Variants in TBR1 observed in about 807,000 individuals in gnomAD.
TBR1 encodes the protein T-box brain transcription factor 1.
TBR1 carries 7 observed loss-of-function variants against 60.3 expected under a neutral mutation model. The observed-to-expected ratio is 0.12, with a 90% CI of 0.07 to 0.22. The LOEUF is 0.22. Among genes scored for constraint, TBR1 ranks in the 10% least tolerant of loss-of-function variants. The pLI is 1.00. For missense variants in TBR1, 616 were observed against 936.8 expected (o/e 0.66, Z 4.47); for synonymous variants, 417 against 409.9 (o/e 1.02, Z -0.21).
chr2:161,423,357 C>T lies in TBR1; in HGVS notation c.1191-12C>T. On this transcript the variant is annotated splice_polypyrimidine_tract_variant and intron_variant, in intron 5 of 5. Coordinates refer to ENST00000389554, the MANE Select transcript of TBR1 (RefSeq NM_006593.4). ...CCCCTCGGCTCTCTCTCTCTCTCTCCCTACCCCGCAGGATCTACACCGGCT... is the reference window on the plus strand; with the variant it reads ...CCCCTCGGCTCTCTCTCTCTCTCTCTCTACCCCGCAGGATCTACACCGGCT... 1 of 1,445,792 alleles carries T rather than the reference C, an allele frequency of 6.9e-7. No homozygotes were observed. The highest frequency in any genetic ancestry group is 9.2e-7 in the Non-Finnish European group (1 of 1,088,850). The allele number at this position is 1,445,792 out of a possible 1,614,324, so 89.6% of individuals were successfully genotyped here.
intron 5 of TBR1, 28 bp from the exon 6 acceptor site, chr2:161,423,341 T>C: frequency 7.8e-6 from 3 of 386,636 alleles, no homozygotes; most frequent in Non-Finnish European, 7.0e-6. Context: ...ACCCCTCGGC[T>C]CTCTCTCTCT....
chr2:161,421,979 T>C, intron 5 of TBR1: 1 of 145,410 alleles, frequency 6.9e-6, no homozygotes, highest in Non-Finnish European at 1.5e-5. Context: ...CCTGAGATTT[T>C]TAGGGGACAG....
At position 161,418,339 on chromosome 2, in the gene TBR1, C is replaced by T; in HGVS notation, c.969+17C>T. ...AATGGGCAGGTCAGTGGCTCAAGCGCTCGTGTTTTCTCTCTCTCTCACCCC... is the reference window on the plus strand; with the variant it reads ...AATGGGCAGGTCAGTGGCTCAAGCGTTCGTGTTTTCTCTCTCTCTCACCCC... On this transcript the variant is annotated intron_variant, in intron 3 of 5. Coordinates refer to ENST00000389554, the MANE Select transcript of TBR1 (RefSeq NM_006593.4). 3 of 1,609,156 alleles carry T rather than the reference C, an allele frequency of 1.9e-6. No individual in the cohort carries two copies. Among genetic ancestry groups the T allele is most frequent in the Non-Finnish European group, 2.5e-6 (3 of 1,177,568 alleles).
Position 161,423,380 on chromosome 2 carries a change from G to T in TBR1, c.1202G>T (p.Gly401Val), listed in dbSNP as rs747662916. The change falls in exon 6 of 6, where the codon GGC (glycine) becomes GTC (valine). Residue 401 changes from glycine to valine, a missense_variant. Gly to Val is a moderately radical substitution (Grantham distance 109, BLOSUM62 -3). Coordinates refer to ENST00000389554, the MANE Select transcript of TBR1 (RefSeq NM_006593.4). ...FRDNYDTIYT[G>V]CDMDRLTPSP... is the part of the protein sequence containing the mutation. ...TCCCTACCCCGCAGGATCTACACCG[G>T]CTGTGACATGGACCGCCTGACCCCC... 1 of 1,539,700 alleles carries T rather than the reference G, an allele frequency of 6.5e-7. No individual in the cohort carries two copies. The highest frequency in any genetic ancestry group is 8.8e-7 in the Non-Finnish European group (1 of 1,141,400).
At chr2:161,418,172 A>G (rs1684164805) in intron 2 of TBR1, 29 bp from the exon 3 acceptor site, 2 of 1,602,322 alleles carry the variant, frequency 1.2e-6, no homozygotes, top group South Asian at 1.1e-5. Flanking sequence ...TGCCAGGGGC[A>G]TATGTAAACA....
chr2:161,424,172 A>AGAAGAACTGCGC lies in TBR1; in HGVS notation c.1995_2006dup (p.Asn667_Lys670dup). Reference sequence around the variant, plus strand: ...GAGGTGCTGGCCCAGCGGGACTGCGAGAAGAACTGCGCCAAGGACATTAGC... The same window carrying AGAAGAACTGCGC: ...GAGGTGCTGGCCCAGCGGGACTGCGAGAAGAACTGCGCGAAGAACTGCGCCAAGGACATTAGC... On this transcript the variant is annotated inframe_insertion, in exon 6 of 6. Transcript: ENST00000389554. This position sits in a 1 kb window ranked among gnomAD's most constrained non-coding sequence, Gnocchi z 4.4. 1 of 1,612,922 alleles carries AGAAGAACTGCGC rather than the reference A, an allele frequency of 6.2e-7. No homozygotes were observed. Among genetic ancestry groups the AGAAGAACTGCGC allele is most frequent in the Non-Finnish European group, 8.5e-7 (1 of 1,179,606 alleles).
In TBR1 at chr2:161,417,955, AG is replaced by A; in HGVS notation, c.847+130del. On this transcript the variant is annotated intron_variant, in intron 2 of 5. Transcript: ENST00000389554. The surrounding 1 kb of genome is among the most constrained non-coding windows in gnomAD (Gnocchi z 5.3). ...GGCCAATGACTTCTAAAAGGAAACG[AG>A]GGGGACAGGGGGACAGACTGAGCTG... is the stretch of plus-strand genomic sequence containing the variant. 1 of 1,462,964 alleles carries A rather than the reference AG, an allele frequency of 6.8e-7. No homozygotes were observed. The highest frequency in any genetic ancestry group is 1.4e-5 in the African/African-American group (1 of 70,126). 90.6% of individuals were successfully genotyped at this position (1,462,964 alleles called of 1,614,324 possible).
chr2:161,417,687 CT>C lies in TBR1; in HGVS notation c.710del (p.Leu237Ter), dbSNP rs1559060391. The C allele has an allele frequency of 6.2e-7, 1 of 1,611,872 alleles. No individual in the cohort carries two copies. The highest frequency in any genetic ancestry group is 8.5e-7 in the Non-Finnish European group (1 of 1,179,030). ...CTTAATTTAAATAGGCGCATGTTTC[CT>C]TTTTTAAGTTTTAACATTTCTGGTC... ...IITKQGRRMFPFLSFNISGLD... is the reference protein window; with the variant it reads ...IITKQGRRMFXFLSFNISGLD... On this transcript the variant is annotated frameshift_variant, in exon 2 of 6. Coordinates refer to ENST00000389554, the MANE Select transcript of TBR1 (RefSeq NM_006593.4). LOFTEE classifies it high-confidence loss of function. This position sits in a 1 kb window ranked among gnomAD's most constrained non-coding sequence, Gnocchi z 5.3.
chr2:161,424,214 A>T lies in TBR1; in HGVS notation c.2036A>T (p.Tyr679Phe). The T allele has an allele frequency of 6.3e-7, 1 of 1,587,802 alleles. No homozygotes were observed. Among genetic ancestry groups the T allele is most frequent in the Non-Finnish European group, 8.6e-7 (1 of 1,166,048 alleles). ...AKDISGYYGF[Y>F]SHS ...GACATTAGCGGCTACTATGGCTTCT[A>T]CTCGCACAGCTAGGCCGCCCCTGCC... Residue 679 changes from tyrosine (Y) to phenylalanine (F), a missense_variant, in exon 6 of 6, where the codon TAC (tyrosine) becomes TTC (phenylalanine). Tyr to Phe is a conservative substitution (Grantham distance 22, BLOSUM62 3). This residue lies in a region of TBR1 where 210 missense variants were observed against 297.4 expected (regional missense o/e 0.71). Transcript: ENST00000389554. The surrounding 1 kb of genome is among the most constrained non-coding windows in gnomAD (Gnocchi z 4.4).
At position 161,425,323 on chromosome 2, in the gene TBR1, TTAA is replaced by T. The variant is rs1394621170; in HGVS notation, c.*1098_*1100del. On this transcript the variant is annotated 3_prime_UTR_variant, in exon 6 of 6. Transcript: ENST00000389554. ...GTAAATCTTTGTAATGAATACTCTA[TTAA>T]TGATATAGATGACTGAATTGTTGGT... 2 of 152,258 alleles carry T rather than the reference TTAA, an allele frequency of 1.3e-5. No homozygotes were observed. Among genetic ancestry groups the T allele is most frequent in the Non-Finnish European group, 2.9e-5 (2 of 68,046 alleles). The allele number at this position is 152,258 out of a possible 1,614,324, so 9.4% of individuals were successfully genotyped here. A position where few individuals can be genotyped will look rare whatever the true frequency, so the allele number is the denominator to read the frequency against.
chr2:161,420,421 T>C, intron 5 of TBR1, 164 bp downstream of exon 5: 1 of 170,522 alleles, frequency 5.9e-6, no homozygotes, highest in Non-Finnish European at 1.1e-5. Context: ...TCCTCTTCTT[T>C]TTTTTTTTTT....
At chr2:161,418,146 A>G in intron 2 of TBR1, 55 bp from the exon 3 acceptor site, 1 of 1,555,832 alleles carries the variant, frequency 6.4e-7, no homozygotes, top group Admixed American at 1.8e-5. Context: ...CGTGGTGAGG[A>G]GCTGGGACTG....
intron 5 of TBR1, chr2:161,422,708 T>G (rs1684252543): frequency 6.6e-6 from 1 of 152,152 alleles, no homozygotes; most frequent in Non-Finnish European, 1.5e-5. Flanking sequence ...GAGTGAAAGT[T>G]TCACACAGGG....
In TBR1 at chr2:161,418,988, G is replaced by A. The variant is rs147026901; in HGVS notation, c.1066G>A (p.Val356Met). The change falls in exon 4 of 6, where the codon GTG becomes ATG. Residue 356 changes from valine (V) to methionine (M), a missense_variant. By Grantham distance (21) the Val-to-Met change is conservative (BLOSUM62 1). Transcript: ENST00000389554. ...GTEDTSQPGR[V>M]QTFTFPETQF... Reference sequence around the variant, plus strand: ...GGAGGACACTAGCCAGCCCGGCCGCGTGCAGACGTTCACTTTCCCTGAGAC... The same window carrying A: ...GGAGGACACTAGCCAGCCCGGCCGCATGCAGACGTTCACTTTCCCTGAGAC... 3.2e-4 allele frequency: 518 copies of A among 1,614,116 alleles called. No homozygotes were observed. Among genetic ancestry groups the A allele is most frequent in the Non-Finnish European group, 4.1e-4 (478 of 1,180,034 alleles).
rs915924309 is a variant in TBR1, at chr2:161,424,264, C to T, written c.*37C>T. 19 of 1,512,100 alleles carry T rather than the reference C, an allele frequency of 1.3e-5. No homozygotes were observed. The highest frequency in any genetic ancestry group is 1.6e-5 in the Non-Finnish European group (18 of 1,123,046). 93.7% of individuals were successfully genotyped at this position (1,512,100 alleles called of 1,614,324 possible). A position where few individuals can be genotyped will look rare whatever the true frequency, so the allele number is the denominator to read the frequency against. ...CCGCCCGGCCCCGCCGCGGCCCGGA[C>T]CCCCAGCCAGCCCCTCACAGCTCTT... On this transcript the variant is annotated 3_prime_UTR_variant, in exon 6 of 6. Coordinates refer to ENST00000389554, the MANE Select transcript of TBR1 (RefSeq NM_006593.4). The surrounding 1 kb of genome is among the most constrained non-coding windows in gnomAD (Gnocchi z 4.4).
intron 5 of TBR1, chr2:161,423,166 C>G: frequency 4.5e-6 from 2 of 442,788 alleles, no homozygotes; most frequent in Non-Finnish European, 7.8e-6. Context: ...ATTGGCTCCT[C>G]TATAATTCCG....
intron 4 of TBR1, 138 bp from the exon 5 acceptor site, chr2:161,420,058 A>T (rs928032070): frequency 6.5e-5 from 35 of 539,398 alleles, no homozygotes; most frequent in Non-Finnish European, 1.0e-4. Flanking sequence ...AATCCCTCAA[A>T]TTTTTCAGTT....
Position 161,416,999 on chromosome 2 carries a change from C to T in TBR1, c.589C>T (p.Pro197Ser). 1 of 1,614,194 alleles carries T rather than the reference C, an allele frequency of 6.2e-7. No individual in the cohort carries two copies. The highest frequency in any genetic ancestry group is 8.5e-7 in the Non-Finnish European group (1 of 1,180,048). The change falls in exon 1 of 6, where the codon CCG becomes TCG. Residue 197 changes from proline to serine, a missense_variant. This residue lies in a region of TBR1 where 211 missense variants were observed against 268.7 expected (regional missense o/e 0.79). Coordinates refer to ENST00000389554, the MANE Select transcript of TBR1 (RefSeq NM_006593.4). The surrounding 1 kb of genome is among the most constrained non-coding windows in gnomAD (Gnocchi z 6.1). ...GTTCTACCAGTTCTCCTCCACCCAG[C>T]CGGGGCTGGTGCCCGGCAAAGCACA... is the stretch of plus-strand genomic sequence containing the variant. ...APFYQFSSTQ[P>S]GLVPGKAQVY...
At chr2:161,422,246 G>A (rs1298084462) in intron 5 of TBR1, 1 of 152,254 alleles carries the variant, frequency 6.6e-6, no homozygotes, top group African/African-American at 2.4e-5. Flanking sequence ...ATGTGTGCAT[G>A]TGTATGAGAA....
Sources: gnomAD v4.1 joint callset for allele counts on GRCh38, gnomAD v4.1.1 for gene constraint, gnomAD v4.1.1 regional missense constraint, Gnocchi (gnomAD v3.1) non-coding constraint, MANE v1.5 for transcripts, NCBI Gene and HGNC (gene_info 2026-07-23, HGNC 2026-07-21) for gene names.